TENM2: variants seen among roughly 807,000 people sequenced by gnomAD.
The protein encoded by TENM2 is teneurin-2.
TENM2 carries 52 observed loss-of-function variants against 245.2 expected under a neutral mutation model. The observed-to-expected ratio is 0.21, with a 90% confidence interval of 0.17 to 0.27. The LOEUF is 0.27. TENM2 is among the 10% of genes least tolerant of loss of function. The pLI, the probability that TENM2 is intolerant of heterozygous loss-of-function variation, is 1.00. For missense variants in TENM2, 3,046 were observed against 3,666.8 expected (o/e 0.83, Z 4.37); for synonymous variants, 1,363 against 1,438.9 (o/e 0.95, Z 1.19).
At chr5:167,343,380 T>C (rs1334297990) in intron 1 of TENM2, among the ~76,000 whole-genome samples, 1 of 152,192 alleles carries the variant, frequency 6.6e-6, no homozygotes, top group Non-Finnish European at 1.5e-5. Context: ...ATATGTCCCA[T>C]TTTCTGTTTG....
intron 5 of TENM2, among the ~76,000 whole-genome samples, chr5:168,031,099 G>C (rs192738822): frequency 1.3e-5 from 2 of 152,182 alleles, no homozygotes; most frequent in African/African-American, 4.8e-5. Flanking sequence ...ATGTGTACCA[G>C]GTCAGCTGAT....
intron 15 of TENM2, among the ~76,000 whole-genome samples, chr5:168,198,139 A>C (rs537516494): frequency 6.6e-6 from 1 of 151,514 alleles, no homozygotes; most frequent in East Asian, 1.9e-4. Flanking sequence ...GCAGGGAAGC[A>C]GCCTAAAAGA....
At chr5:167,839,888 G>T (rs1380899905) in intron 2 of TENM2, among the ~76,000 whole-genome samples, 2 of 152,132 alleles carry the variant, frequency 1.3e-5, no homozygotes, top group African/African-American at 2.4e-5. Flanking sequence ...CACGGTCTTG[G>T]CTCACTGCAA....
intron 25 of TENM2, among the ~76,000 whole-genome samples, chr5:168,233,844 A>G (rs1335918043): frequency 6.6e-6 from 1 of 152,206 alleles, no homozygotes; most frequent in African/African-American, 2.4e-5. Flanking sequence ...GAAAATGAGG[A>G]AGAAGCAAAA....
chr5:168,017,360 A>G (rs17069617), intron 5 of TENM2, among the ~76,000 whole-genome samples: 33,404 of 152,170 alleles, frequency 0.22, 4,422 homozygotes, highest in African/African-American at 0.37. Flanking sequence ...GGAAAATTAT[A>G]AAGTGTTGTG....
intron 2 of TENM2, among the ~76,000 whole-genome samples, chr5:167,385,856 ATGTGTGTGTGTGTGTG>A (rs60407919): frequency 2.3e-4 from 32 of 139,148 alleles, no homozygotes; most frequent in East Asian, 8.6e-4. Context: ...TTATATATAT[ATGTGTGTGTGTGTGTG>A]TGTGTGTGTG....
chr5:168,207,353 G>A lies in TENM2; in HGVS notation c.3824+2732G>A, dbSNP rs548535440. On this transcript the variant is annotated intron_variant, in intron 19 of 28. Coordinates refer to ENST00000518659, the Ensembl canonical transcript of TENM2. Reference sequence around the variant, plus strand: ...TCTCTCGAGTTGTGGAGGCCACAACGTCAATGGTGCAAGCTAAGGGCCCAA... The same window carrying A: ...TCTCTCGAGTTGTGGAGGCCACAACATCAATGGTGCAAGCTAAGGGCCCAA... 4.6e-5 allele frequency among the ~76,000 whole-genome samples: 7 copies of A among 152,274 alleles called. No individual in the cohort carries two copies. The South Asian group carries it at 6.2e-4, about 14-fold the overall frequency.
chr5:167,458,263 G>T (rs567750493), intron 2 of TENM2, among the ~76,000 whole-genome samples: 1 of 151,888 alleles, frequency 6.6e-6, no homozygotes, highest in Non-Finnish European at 1.5e-5. Flanking sequence ...GAGACAGGTG[G>T]ATCACCTGAG....
intron 13 of TENM2, among the ~76,000 whole-genome samples, chr5:168,183,313 G>A (rs558883217): frequency 6.6e-6 from 1 of 152,240 alleles, no homozygotes; most frequent in South Asian, 2.1e-4. Flanking sequence ...TGCAAACCAA[G>A]CTTCCAGAAT....
chr5:167,563,320 G>A (rs369540181), intron 2 of TENM2, among the ~76,000 whole-genome samples: 2 of 152,216 alleles, frequency 1.3e-5, no homozygotes, highest in East Asian at 1.9e-4. Flanking sequence ...GCCTTTCCAT[G>A]GTGGCTATTC....
chr5:167,323,165 C>T (rs758610058), intron 1 of TENM2, among the ~76,000 whole-genome samples: 9 of 152,050 alleles, frequency 5.9e-5, no homozygotes, highest in African/African-American at 9.7e-5. Context: ...AGAGCTCGAC[C>T]GAACTTTTGA....
At chr5:167,768,791 G>C (rs1004537535) in intron 2 of TENM2, among the ~76,000 whole-genome samples, 1 of 152,160 alleles carries the variant, frequency 6.6e-6, no homozygotes, top group African/African-American at 2.4e-5. Context: ...TAAATGTAAA[G>C]CTCTTGCAAC....
intron 2 of TENM2, among the ~76,000 whole-genome samples, chr5:167,736,471 A>G (rs774110995): frequency 9.2e-5 from 14 of 152,152 alleles, no homozygotes; most frequent in Non-Finnish European, 1.8e-4. Flanking sequence ...ATAGGGGTCA[A>G]AAATGCAACA....
chr5:167,032,339 GT>G, the TENM2 span, among the ~76,000 whole-genome samples: 1 of 152,132 alleles, frequency 6.6e-6, no homozygotes, highest in Non-Finnish European at 1.5e-5. Context: ...TGGGATACAT[GT>G]TTTTTGCTGC....
intron 2 of TENM2, among the ~76,000 whole-genome samples, chr5:167,603,363 G>A (rs977982267): frequency 2.0e-5 from 3 of 152,116 alleles, no homozygotes; most frequent in African/African-American, 7.2e-5. Context: ...ATAGTGTCCA[G>A]GTTAAGAGAT....
At chr5:167,047,629 A>G in the TENM2 span, among the ~76,000 whole-genome samples, 4 of 152,176 alleles carry the variant, frequency 2.6e-5, no homozygotes, top group Admixed American at 2.6e-4. Context: ...TTAGGTGTCA[A>G]GAGAGAGGCT....
chr5:167,399,464 A>C (rs895094588), intron 2 of TENM2, among the ~76,000 whole-genome samples: 10 of 152,218 alleles, frequency 6.6e-5, no homozygotes, highest in African/African-American at 2.4e-4. Flanking sequence ...AATATCTACT[A>C]CATGCTGAGA....
At chr5:168,132,933 T>G (rs541471341) in intron 12 of TENM2, among the ~76,000 whole-genome samples, 1 of 152,342 alleles carries the variant, frequency 6.6e-6, no homozygotes, top group Admixed American at 6.5e-5. Flanking sequence ...GTGATGGACA[T>G]CTTTCTTATC....
chr5:167,557,351 G>T (rs1200092990), intron 2 of TENM2, among the ~76,000 whole-genome samples: 4 of 152,156 alleles, frequency 2.6e-5, no homozygotes, highest in Admixed American at 2.6e-4. Flanking sequence ...AAGCAAAAAA[G>T]CTAAGAGCAT....
Sources: gnomAD v4.1 joint callset for allele counts (sites outside exome capture counted in the v4.1 genomes callset) on GRCh38, gnomAD v4.1.1 for gene constraint, MANE v1.5 for transcripts, NCBI Gene and HGNC (gene_info 2026-07-23, HGNC 2026-07-21) for gene names.